RRAGD: variants seen among roughly 807,000 people sequenced by gnomAD.
The protein encoded by RRAGD is ras-related GTP-binding protein D.
A neutral mutation model predicts 35.5 loss-of-function variants in RRAGD; 12 were observed. The observed-to-expected ratio is 0.34, with a 90% CI of 0.22 to 0.55. The LOEUF is 0.55. Ranked by LOEUF, RRAGD falls within the 20% of genes least tolerant of loss-of-function variation. RRAGD has a pLI of 0.91. For missense variants in RRAGD, 324 were observed against 490.1 expected (o/e 0.66, Z 3.20); for synonymous variants, 155 against 178.9 (o/e 0.87, Z 1.07).
At chr6:89,400,551 A>G (rs1455057261) in intron 1 of RRAGD, among the ~76,000 whole-genome samples, 1 of 151,798 alleles carries the variant, frequency 6.6e-6, no homozygotes, top group East Asian at 1.9e-4. Flanking sequence ...AGCTTAGCCC[A>G]GGTAAAGCGT....
intron 6 of RRAGD, among the ~76,000 whole-genome samples, chr6:89,368,994 T>G (rs771747436): frequency 6.6e-6 from 1 of 151,974 alleles, no homozygotes; most frequent in Non-Finnish European, 1.5e-5. Flanking sequence ...TCTTTGAATT[T>G]ATTAAAATAA....
chr6:89,395,945 T>G (rs1299757295), intron 1 of RRAGD, among the ~76,000 whole-genome samples: 3 of 146,578 alleles, frequency 2.0e-5, no homozygotes, highest in Non-Finnish European at 4.5e-5. Flanking sequence ...AAATGACTGA[T>G]GGACCAACTG....
At chr6:89,406,455 C>A (rs1166618272) in intron 1 of RRAGD, among the ~76,000 whole-genome samples, 1 of 152,114 alleles carries the variant, frequency 6.6e-6, no homozygotes, top group East Asian at 1.9e-4. Context: ...TGGAGGAACA[C>A]ACAAGCGGCT....
intron 1 of RRAGD, among the ~76,000 whole-genome samples, chr6:89,407,824 C>T (rs185848591): frequency 3.3e-5 from 5 of 152,068 alleles, no homozygotes; most frequent in Admixed American, 1.3e-4. Context: ...AAGTCATCGG[C>T]TCTTATCCAG....
chr6:89,370,916 A>T (rs1432269659), intron 6 of RRAGD, among the ~76,000 whole-genome samples: 1 of 152,038 alleles, frequency 6.6e-6, no homozygotes, highest in African/African-American at 2.4e-5. Context: ...TTTTTTGCTA[A>T]ATATTATTTC....
At chr6:89,385,693 G>C (rs1357196925) in intron 2 of RRAGD, among the ~76,000 whole-genome samples, 3 of 152,094 alleles carry the variant, frequency 2.0e-5, no homozygotes, top group Non-Finnish European at 4.4e-5. Context: ...GTAAACTGCT[G>C]ATCACAGATC....
rs1769378086 is a variant in RRAGD, at chr6:89,398,194, A to G, written c.149-10604T>C. 3.3e-5 allele frequency among the ~76,000 whole-genome samples: 5 copies of G among 152,164 alleles called. No homozygotes were observed. In the South Asian group the frequency reaches 1.0e-3, roughly 32 times the overall value. On this transcript the variant is annotated intron_variant, in intron 1 of 6. Transcript: ENST00000369415. The stretch of plus-strand genomic sequence containing the variant: ...TGGAAGAGGCAGTAGGCAGTAAGGA[A>G]AGGTCAGAGGGAGGAAGAAGTATGG...
At chr6:89,376,320 T>C (rs1562446252) in intron 5 of RRAGD, among the ~76,000 whole-genome samples, 1 of 151,674 alleles carries the variant, frequency 6.6e-6, no homozygotes. Context: ...TGTGTGTGTG[T>C]GTGTGTGTGT....
intron 2 of RRAGD, among the ~76,000 whole-genome samples, chr6:89,384,673 G>A (rs924731535): frequency 6.6e-6 from 1 of 151,938 alleles, no homozygotes; most frequent in African/African-American, 2.4e-5. Flanking sequence ...AAATTAGCCG[G>A]GTGTGGTGGC....
intron 1 of RRAGD, among the ~76,000 whole-genome samples, chr6:89,396,862 C>G (rs1769344560): frequency 6.6e-6 from 1 of 150,742 alleles, no homozygotes; most frequent in Non-Finnish European, 1.5e-5. Flanking sequence ...CTGCCTCAGC[C>G]TCCTGAGTGG....
At chr6:89,401,454 C>T (rs1341767806) in intron 1 of RRAGD, among the ~76,000 whole-genome samples, 1 of 152,128 alleles carries the variant, frequency 6.6e-6, no homozygotes, top group African/African-American at 2.4e-5. Flanking sequence ...CAGGGTTTCG[C>T]CATGTTGACC....
chr6:89,404,435 C>CA (rs1769540082), intron 1 of RRAGD, among the ~76,000 whole-genome samples: 1 of 152,200 alleles, frequency 6.6e-6, no homozygotes, highest in Admixed American at 6.5e-5. Flanking sequence ...TCAAGAGGAT[C>CA]AGCTTTATGC....
At chr6:89,374,603 G>A (rs1562444795) in intron 5 of RRAGD, among the ~76,000 whole-genome samples, 2 of 152,022 alleles carry the variant, frequency 1.3e-5, no homozygotes, top group Non-Finnish European at 1.5e-5. Flanking sequence ...GGTAGTGCAT[G>A]CCTGTAATCC....
intron 1 of RRAGD, among the ~76,000 whole-genome samples, chr6:89,405,251 G>C (rs1040885914): frequency 6.6e-6 from 1 of 151,498 alleles, no homozygotes; most frequent in Non-Finnish European, 1.5e-5. Context: ...CTGCTGGGGA[G>C]GCTGAGGCAG....
At chr6:89,402,153 TTC>T (rs1769483269) in intron 1 of RRAGD, among the ~76,000 whole-genome samples, 1 of 148,766 alleles carries the variant, frequency 6.7e-6, no homozygotes, top group Non-Finnish European at 1.5e-5. Context: ...GTTCAATCAG[TTC>T]TCCTGCCTCA....
At chr6:89,380,845 T>C (rs1322889528) in intron 2 of RRAGD, among the ~76,000 whole-genome samples, 2 of 150,302 alleles carry the variant, frequency 1.3e-5, no homozygotes, top group African/African-American at 4.9e-5. Context: ...AGGCAGAGAT[T>C]GCAGTGAGCT....
chr6:89,405,816 G>T (rs750444749), intron 1 of RRAGD, among the ~76,000 whole-genome samples: 167 of 152,142 alleles, frequency 1.1e-3, no homozygotes, highest in Non-Finnish European at 2.1e-3. Context: ...CTTTCTCTGT[G>T]GCTCCTTTAA....
At chr6:89,376,499 T>A (rs191286662) in intron 5 of RRAGD, among the ~76,000 whole-genome samples, 37 of 152,216 alleles carry the variant, frequency 2.4e-4, no homozygotes, top group Admixed American at 2.1e-3. Flanking sequence ...GAGCAAAAGC[T>A]TTACCTCATC....
chr6:89,396,615 C>T (rs1015323826), intron 1 of RRAGD, among the ~76,000 whole-genome samples: 16 of 151,290 alleles, frequency 1.1e-4, no homozygotes, highest in South Asian at 6.3e-4. Flanking sequence ...GATGGGGTTT[C>T]GCCATGTTGC....
Sources: gnomAD v4.1 joint callset for allele counts (sites outside exome capture counted in the v4.1 genomes callset) on GRCh38, gnomAD v4.1.1 for gene constraint, MANE v1.5 for transcripts, NCBI Gene and HGNC (gene_info 2026-07-23, HGNC 2026-07-21) for gene names.